SLC2A3: variants seen among roughly 807,000 people sequenced by gnomAD.
SLC2A3 encodes the protein solute carrier family 2 member 3, also known as solute carrier family 2, facilitated glucose transporter member 3.
A neutral mutation model predicts 46.4 loss-of-function variants in SLC2A3; 21 were observed. The observed-to-expected ratio is 0.45, with a 90% CI of 0.32 to 0.65. The LOEUF is 0.65. Ranked by LOEUF, SLC2A3 falls within the 30% of genes least tolerant of loss-of-function variation. The probability of loss-of-function intolerance (pLI) is 0.04; values close to 1 mark genes in which losing one functional copy is unlikely to be tolerated. For synonymous variants in SLC2A3, 213 were observed against 239.4 expected, an observed-to-expected ratio of 0.89 and a Z score of 1.02; for missense variants, 499 against 623.3, an observed-to-expected ratio of 0.80 and a Z score of 2.12.
At chr12:7,930,798 T>G (rs1325156738) in intron 4 of SLC2A3, among the ~76,000 whole-genome samples, 156 bp from the exon 5 acceptor site, 17 of 143,356 alleles carry the variant, frequency 1.2e-4, no homozygotes, top group South Asian at 2.3e-4. Context: ...CATGGTTTTT[T>G]TTTTTTTTTT....
chr12:7,929,503 C>A, intron 6 of SLC2A3, 181 bp downstream of exon 6: 1 of 823,558 alleles, frequency 1.2e-6, no homozygotes, highest in Non-Finnish European at 1.8e-6. Flanking sequence ...CTCACTCTGT[C>A]TCCCAGGCTG....
chr12:7,932,978 A>G lies in SLC2A3; in HGVS notation c.269+9T>C. On this transcript the variant is annotated intron_variant, in intron 3 of 9. Transcript: ENST00000075120. ...GAGCCCACTTCCTTGCCCAGTTTCTAGTCAATACCTGCCAAAGCGGTTGAC... is the reference window on the plus strand; with the variant it reads ...GAGCCCACTTCCTTGCCCAGTTTCTGGTCAATACCTGCCAAAGCGGTTGAC... 8 of 1,613,870 alleles carry G rather than the reference A, an allele frequency of 5.0e-6. No individual in the cohort carries two copies. The highest frequency in any genetic ancestry group is 5.9e-6 in the Non-Finnish European group (7 of 1,179,928).
chr12:7,922,205 A>G (rs1046597035), intron 9 of SLC2A3, among the ~76,000 whole-genome samples: 1 of 151,684 alleles, frequency 6.6e-6, no homozygotes, highest in African/African-American at 2.4e-5. Context: ...CTGGGATTAC[A>G]GTCATGAGCC....
Position 7,922,881 on chromosome 12 carries a change from C to T in SLC2A3, c.1212G>A (p.Val404=), listed in dbSNP as rs942625710. The T allele has an allele frequency of 2.5e-6, 4 of 1,614,138 alleles. No individual in the cohort carries two copies. Among genetic ancestry groups the T allele is most frequent in the Middle Eastern group, 1.7e-4 (1 of 6,058 alleles). ...SQGPRPAAMA[V]AGCSNWTSNF... ...TGGAGGTCCAGTTGGAGCAGCCGGCCACTGCCATCGCAGCTGGGCGGGGGC... is the reference window on the plus strand; with the variant it reads ...TGGAGGTCCAGTTGGAGCAGCCGGCTACTGCCATCGCAGCTGGGCGGGGGC... Residue 404 remains valine, a synonymous_variant, in exon 9 of 10, where the codon GTG becomes GTA. Transcript: ENST00000075120.
intron 8 of SLC2A3, among the ~76,000 whole-genome samples, chr12:7,923,639 T>C (rs1017943276): frequency 1.3e-5 from 2 of 152,040 alleles, no homozygotes; most frequent in Non-Finnish European, 2.9e-5. Flanking sequence ...TTTTGTTTTT[T>C]TGTAGAGAAA....
intron 1 of SLC2A3, 127 bp downstream of exon 1, chr12:7,935,893 A>T: frequency 1.2e-6 from 1 of 808,130 alleles, no homozygotes. Context: ...GCTAGAGACG[A>T]AATGAAAAGG....
At position 7,936,142 on chromosome 12, in the gene SLC2A3, C is replaced by A; in HGVS notation, c.-108G>T. The A allele has an allele frequency of 1.1e-6, 1 of 908,316 alleles. No homozygotes were observed. Among genetic ancestry groups the A allele is most frequent in the South Asian group, 1.3e-5 (1 of 76,944 alleles). 56.3% of individuals were successfully genotyped at this position (908,316 alleles called of 1,614,324 possible). On this transcript the variant is annotated 5_prime_UTR_variant, in exon 1 of 10. An upstream open reading frame in the 5' UTR gains an earlier in-frame stop. Transcript: ENST00000075120. ...TGTCCTTCTCAGCAGCAAGTTTTCT[C>A]CACGTCCTCAGGAAGGATCCAAAGT...
rs760537628 is a variant in SLC2A3 at position 7,936,071 on chromosome 12, G to A, written c.-37C>T. 1 of 1,591,038 alleles carries A rather than the reference G, an allele frequency of 6.3e-7. No individual in the cohort carries two copies. Among genetic ancestry groups the A allele is most frequent in the Non-Finnish European group, 8.6e-7 (1 of 1,159,130 alleles). On this transcript the variant is annotated 5_prime_UTR_variant, in exon 1 of 10. Coordinates refer to ENST00000075120, the MANE Select transcript of SLC2A3 (RefSeq NM_006931.3). Reference sequence around the variant, plus strand: ...AATTCAAGTCTTCAAGAAAGATCTAGGGGTGATTCCAGAAACAGCTTTTTC... The same window carrying A: ...AATTCAAGTCTTCAAGAAAGATCTAAGGGTGATTCCAGAAACAGCTTTTTC...
At chr12:7,932,870 A>T in intron 3 of SLC2A3, 117 bp downstream of exon 3, 4 of 1,454,482 alleles carry the variant, frequency 2.8e-6, no homozygotes, top group Non-Finnish European at 3.7e-6. Flanking sequence ...GTTTCCCTTG[A>T]TTAGAATTCA....
intron 6 of SLC2A3, among the ~76,000 whole-genome samples, chr12:7,928,912 C>A (rs2300140): frequency 6.6e-6 from 1 of 151,534 alleles, no homozygotes; most frequent in Non-Finnish European, 1.5e-5. Context: ...CTCAGCCTCC[C>A]GAGTAGTAGC....
In SLC2A3 at chr12:7,929,307, C is replaced by T. The variant is rs1252432032; in HGVS notation, c.861+377G>A. On this transcript the variant is annotated intron_variant, in intron 6 of 9. Transcript: ENST00000075120. ...ATATTTGCATGGAATACAAGGGCTA[C>T]CTGCCAAATGCTAGCTTCCGTTGTG... is the stretch of plus-strand genomic sequence containing the variant. 2.6e-5 allele frequency among the ~76,000 whole-genome samples: 4 copies of T among 152,182 alleles called. No homozygotes were observed. In the East Asian group the frequency reaches 5.8e-4, roughly 22 times the overall value.
rs763576623 is a variant in SLC2A3 at position 7,933,811 on chromosome 12, T to G, written c.107A>C (p.Lys36Thr). Residue 36 changes from lysine (K) to threonine (T), a missense_variant and splice_region_variant, in exon 2 of 10, where the codon AAG (lysine) becomes ACG (threonine). Coordinates refer to ENST00000075120, the MANE Select transcript of SLC2A3 (RefSeq NM_006931.3). Reference sequence around the variant, plus strand: ...TAATTATTGTGGCCTGGCACTCACCTTCTCAGGAGCATTGATGACCCCAGT... The same window carrying G: ...TAATTATTGTGGCCTGGCACTCACCGTCTCAGGAGCATTGATGACCCCAGT... ...YNTGVINAPE[K>T]IIKEFINKTL... 18 of 1,612,874 alleles carry G rather than the reference T, an allele frequency of 1.1e-5. No individual in the cohort carries two copies. The East Asian group carries it at 1.3e-4, about 12-fold the overall frequency.
rs1216694437 is a variant in SLC2A3 at position 7,925,835 on chromosome 12, C to T, written c.966+9G>A. 6.2e-7 allele frequency: 1 copy of T among 1,604,952 alleles called. No individual in the cohort carries two copies. The highest frequency in any genetic ancestry group is 8.5e-7 in the Non-Finnish European group (1 of 1,172,144). On this transcript the variant is annotated intron_variant, in intron 7 of 9. Coordinates refer to ENST00000075120, the MANE Select transcript of SLC2A3 (RefSeq NM_006931.3). ...TCTCCCCTCAAAATTACCAAACCAT[C>T]CAACTTACAGAAACTACAGTGAAGA...
Position 7,921,265 on chromosome 12 carries a change from C to T in SLC2A3, c.*148G>A, listed in dbSNP as rs1433448838. On this transcript the variant is annotated 3_prime_UTR_variant, in exon 10 of 10. Transcript: ENST00000075120. The stretch of plus-strand genomic sequence containing the variant: ...CCATTGAAGATCCAACAAACCGCAG[C>T]CTTGGGGTGCTCATGGAGTGCGTGG... The T allele has an allele frequency of 1.3e-6, 2 of 1,498,564 alleles. No homozygotes were observed. The highest frequency in any genetic ancestry group is 2.8e-5 in the African/African-American group (2 of 72,038). 92.8% of individuals were successfully genotyped at this position (1,498,564 alleles called of 1,614,324 possible).
chr12:7,931,666 C>T (rs141326709), intron 3 of SLC2A3, among the ~76,000 whole-genome samples, 181 bp from the exon 4 acceptor site: 10 of 151,910 alleles, frequency 6.6e-5, no homozygotes, highest in Admixed American at 6.6e-5. Context: ...GTGATGGTGC[C>T]CGCCTGTAGT....
rs1344587592 is a variant in SLC2A3, at chr12:7,921,358, T to C, written c.*55A>G. 2 of 1,613,204 alleles carry C rather than the reference T, an allele frequency of 1.2e-6. No individual in the cohort carries two copies. The highest frequency in any genetic ancestry group is 1.7e-6 in the Non-Finnish European group (2 of 1,179,374). ...GTTCATCCTGATGAGGTCTCTCCCT[T>C]GTTGAGGGAGAGGTGGCTTTCCCAT... is the stretch of plus-strand genomic sequence containing the variant. On this transcript the variant is annotated 3_prime_UTR_variant, in exon 10 of 10. Transcript: ENST00000075120.
At chr12:7,927,262 A>G (rs1946105597) in intron 6 of SLC2A3, among the ~76,000 whole-genome samples, 1 of 152,172 alleles carries the variant, frequency 6.6e-6, no homozygotes, top group Non-Finnish European at 1.5e-5. Flanking sequence ...AACATATTAT[A>G]TGATGGCGTC....
intron 9 of SLC2A3, among the ~76,000 whole-genome samples, chr12:7,921,862 CT>C (rs1244799520): frequency 6.6e-6 from 1 of 152,026 alleles, no homozygotes; most frequent in Non-Finnish European, 1.5e-5. Context: ...CAAATGTCTA[CT>C]GAGTATTTTT....
At chr12:7,926,512 GGT>G (rs934685292) in intron 6 of SLC2A3, among the ~76,000 whole-genome samples, 8 of 152,178 alleles carry the variant, frequency 5.3e-5, no homozygotes, top group Admixed American at 4.6e-4. Flanking sequence ...CTTACATAAA[GGT>G]GTAATTCCTA....
Sources: allele counts gnomAD v4.1 joint callset (sites outside exome capture counted in the v4.1 genomes callset), GRCh38; gene constraint gnomAD v4.1.1; transcripts MANE v1.5; gene names NCBI Gene and HGNC (gene_info 2026-07-23, HGNC 2026-07-21).